GLB1L3: variants seen among roughly 807,000 people sequenced by gnomAD.
The protein encoded by GLB1L3 is beta-galactosidase-1-like protein 3.
In GLB1L3, 89 loss-of-function variants were observed where a neutral mutation model predicts 89.5. The ratio of observed to expected loss-of-function variants is 0.99; its 90% CI spans 0.84 to 1.19. GLB1L3 has a LOEUF of 1.19. GLB1L3 is among the 50% of genes most tolerant of loss of function. The pLI is 0.00. For missense variants in GLB1L3, 812 were observed against 813.3 expected, an observed-to-expected ratio of 1.00 and a Z score of 0.02; for synonymous variants, 314 against 312.3, an observed-to-expected ratio of 1.01 and a Z score of -0.06.
Position 134,314,377 on chromosome 11 carries a change from C to G in GLB1L3, c.1715C>G (p.Pro572Arg). ...WKPVPDSHQG[P>R]AFYCGTLKAG... ...CCTGTCCCAGACAGCCACCAGGGCC[C>G]GGCCTTCTACTGTGGGACCTTGAAG... The change falls in exon 18 of 20, where the codon CCG (proline) becomes CGG (arginine). Residue 572 changes from proline to arginine, a missense_variant. Around this residue, in one of 3 missense-constraint regions of GLB1L3, gnomAD observed 618 missense variants for 604.0 expected, o/e 1.02. Transcript: ENST00000431683. The G allele has an allele frequency of 6.4e-7, 1 of 1,551,524 alleles. No individual in the cohort carries two copies. The highest frequency in any genetic ancestry group is 8.7e-7 in the Non-Finnish European group (1 of 1,146,962).
the GLB1L3 span, among the ~76,000 whole-genome samples, chr11:134,325,292 A>G: frequency 3.3e-5 from 5 of 152,176 alleles, no homozygotes; most frequent in African/African-American, 9.7e-5. Flanking sequence ...TCCACCATCT[A>G]CTATGGATAC....
In GLB1L3 at chr11:134,310,559, G is replaced by C; in HGVS notation, c.1100-12G>C. On this transcript the variant is annotated splice_polypyrimidine_tract_variant and intron_variant, in intron 11 of 19. Transcript: ENST00000431683. The stretch of plus-strand genomic sequence containing the variant: ...GACTGCATGGCTGGTGACTGGCCCT[G>C]GTGTCTTGCAGACTATGATGCAGTG... The C allele has an allele frequency of 1.2e-6, 2 of 1,607,460 alleles. No homozygotes were observed. Among genetic ancestry groups the C allele is most frequent in the African/African-American group, 1.3e-5 (1 of 74,948 alleles).
In GLB1L3 at chr11:134,312,453, A is replaced by C. The variant is rs371447227; in HGVS notation, c.1392A>C (p.Gly464=). ...TGTATGAGAAGTCCATCTGCTCCGG[A>C]GGCCGCCTCCGTGCCCACGCTCATG... ...LVLYEKSICS[G]GRLRAHAHDV... The change falls in exon 14 of 20, where the codon GGA becomes GGC. Residue 464 remains glycine (G), a synonymous_variant. Transcript: ENST00000431683. 8 of 1,613,176 alleles carry C rather than the reference A, an allele frequency of 5.0e-6. No homozygotes were observed. The South Asian group carries it at 8.8e-5, about 18-fold the overall frequency.
At chr11:134,287,978 T>C (rs1340868488) in intron 6 of GLB1L3, among the ~76,000 whole-genome samples, 1 of 152,204 alleles carries the variant, frequency 6.6e-6, no homozygotes. Context: ...GCCTGCTGTA[T>C]GTTGGGACAA....
chr11:134,317,218 G>C (rs891859357), intron 18 of GLB1L3: 3 of 152,156 alleles, frequency 2.0e-5, no homozygotes, highest in African/African-American at 7.2e-5. Context: ...GTTTTTGTCT[G>C]GAAGTCTTTA....
intron 5 of GLB1L3, among the ~76,000 whole-genome samples, chr11:134,283,500 C>G (rs1477288461): frequency 6.6e-6 from 1 of 152,236 alleles, no homozygotes; most frequent in Non-Finnish European, 1.5e-5. Flanking sequence ...GAAGGCCTTT[C>G]CGAAGTTGTG....
At chr11:134,322,465 A>G (rs1943179532), downstream of GLB1L3, among the ~76,000 whole-genome samples, 1 of 152,222 alleles carries the variant, frequency 6.6e-6, no homozygotes, top group Non-Finnish European at 1.5e-5. Flanking sequence ...ACAATTCAGT[A>G]GTTTTTAGTA....
At chr11:134,308,196 T>TAC (rs1942314570) in intron 10 of GLB1L3, among the ~76,000 whole-genome samples, 4 of 68,874 alleles carry the variant, frequency 5.8e-5, no homozygotes, top group African/African-American at 3.3e-4. Context: ...ATCATCACCA[T>TAC]CACCACTACC....
chr11:134,321,197 A>G (rs1943163414), downstream of GLB1L3, among the ~76,000 whole-genome samples: 1 of 152,206 alleles, frequency 6.6e-6, no homozygotes, highest in African/African-American at 2.4e-5. Flanking sequence ...AGCGAGAGGG[A>G]TGTGATGGCC....
chr11:134,285,523 C>T (rs1472928500), intron 6 of GLB1L3, among the ~76,000 whole-genome samples: 2 of 152,054 alleles, frequency 1.3e-5, no homozygotes, highest in African/African-American at 2.4e-5. Context: ...TGGTGGCTCA[C>T]GGCTGTAATC....
chr11:134,305,522 G>C (rs914093423), intron 9 of GLB1L3, among the ~76,000 whole-genome samples: 1 of 152,054 alleles, frequency 6.6e-6, no homozygotes, highest in Non-Finnish European at 1.5e-5. Flanking sequence ...TCCTTATTTT[G>C]ATTTGGAAGA....
rs1940419152 is a variant in GLB1L3, at chr11:134,277,209, T to C, written c.24-117T>C. On this transcript the variant is annotated intron_variant, in intron 1 of 19. Transcript: ENST00000431683. ...GGCCCGCCTGGAAGACCCGCCTGTG[T>C]CGCGGGCCCCCTCCCTGGCTCTGGC... The C allele has an allele frequency of 9.7e-6, 13 of 1,337,398 alleles. No individual in the cohort carries two copies. In the East Asian group the frequency reaches 3.0e-4, roughly 31 times the overall value. The allele number at this position is 1,337,398 out of a possible 1,614,324, so 82.8% of individuals were successfully genotyped here.
intron 10 of GLB1L3, among the ~76,000 whole-genome samples, chr11:134,308,676 A>ACACCACCACCACCACCAG (rs1555080638): frequency 1.7e-5 from 2 of 116,152 alleles, no homozygotes; most frequent in Admixed American, 1.7e-4. Flanking sequence ...ACCACCACCA[A>ACACCACCACCACCACCAG]CACCACCACC....
intron 8 of GLB1L3, 79 bp from the exon 9 acceptor site, chr11:134,293,066 C>A: frequency 8.4e-7 from 1 of 1,188,470 alleles, no homozygotes; most frequent in Non-Finnish European, 1.3e-6. Flanking sequence ...TGCGTGCGTC[C>A]GGGCCGGGGG....
At chr11:134,313,203 G>C (rs1472052856) in intron 15 of GLB1L3, among the ~76,000 whole-genome samples, 193 bp from the exon 16 acceptor site, 2 of 152,194 alleles carry the variant, frequency 1.3e-5, no homozygotes, top group African/African-American at 4.8e-5. Flanking sequence ...TTTCCTAGTA[G>C]GATCAGCAGA....
intron 7 of GLB1L3, chr11:134,289,114 G>A (rs978701209): frequency 6.7e-6 from 3 of 444,966 alleles, no homozygotes; most frequent in Admixed American, 8.0e-5. Flanking sequence ...CTGTTGACTG[G>A]AAGCCTTACC....
downstream of GLB1L3, among the ~76,000 whole-genome samples, chr11:134,321,012 A>C (rs146235807): frequency 3.0e-4 from 45 of 152,328 alleles, 1 homozygote; most frequent in African/African-American, 1.1e-3. Flanking sequence ...TCTAAAAGAT[A>C]TGCCACGAGC....
intron 6 of GLB1L3, among the ~76,000 whole-genome samples, chr11:134,286,403 G>A (rs1301635911): frequency 1.3e-5 from 2 of 152,218 alleles, no homozygotes; most frequent in African/African-American, 4.8e-5. Context: ...TCTTTTGTTT[G>A]AAGGGCTGAA....
chr11:134,282,300 G>C (rs1342817094), intron 5 of GLB1L3, among the ~76,000 whole-genome samples, 180 bp downstream of exon 5: 1 of 152,196 alleles, frequency 6.6e-6, no homozygotes, highest in African/African-American at 2.4e-5. Context: ...TACTGCGGTG[G>C]CGGGGGGCGG....
Sources: allele counts gnomAD v4.1 joint callset (sites outside exome capture counted in the v4.1 genomes callset), GRCh38; gene constraint gnomAD v4.1.1; regional missense constraint gnomAD v4.1.1; transcripts MANE v1.5; gene names NCBI Gene and HGNC (gene_info 2026-07-23, HGNC 2026-07-21).